The following SLC1A1 variants were observed in gnomAD, a reference collection of about 807,000 sequenced individuals.
The protein encoded by SLC1A1 is solute carrier family 1 member 1.
A neutral mutation model predicts 53.3 loss-of-function variants in SLC1A1; 43 were observed. The ratio of observed to expected loss-of-function variants is 0.81; its 90% CI spans 0.63 to 1.04. The LOEUF (loss-of-function observed/expected upper bound fraction) is 1.04. SLC1A1 is among the 50% of genes least tolerant of loss of function. The pLI, the probability that SLC1A1 is intolerant of heterozygous loss-of-function variation, is 0.00. For missense variants in SLC1A1, 748 were observed against 664.9 expected, an observed-to-expected ratio of 1.12 and a Z score of -1.37; for synonymous variants, 307 against 243.2, an observed-to-expected ratio of 1.26 and a Z score of -2.44.
Position 4,544,605 on chromosome 9 carries a change from C to T in SLC1A1, c.130C>T (p.Leu44Phe). The change falls in exon 2 of 12, where the codon CTC becomes TTC. Residue 44 changes from leucine (L) to phenylalanine (F), a missense_variant. Leu to Phe is a conservative substitution (Grantham distance 22). Coordinates refer to ENST00000262352, the MANE Select transcript of SLC1A1 (RefSeq NM_004170.6). Reference protein sequence around the residue: ...TGVLVREHSNLSTLEKFYFAF... With the variant: ...TGVLVREHSNFSTLEKFYFAF... ...AGTCTTGGTTCGAGAACACAGCAACCTCTCAACTCTAGAGAAATTCTACTT... is the reference window on the plus strand; with the variant it reads ...AGTCTTGGTTCGAGAACACAGCAACTTCTCAACTCTAGAGAAATTCTACTT... 1 of 1,613,602 alleles carries T rather than the reference C, an allele frequency of 6.2e-7. No individual in the cohort carries two copies. The highest frequency in any genetic ancestry group is 8.5e-7 in the Non-Finnish European group (1 of 1,179,580).
chr9:4,566,726 C>A (rs1486321332), intron 5 of SLC1A1, among the ~76,000 whole-genome samples: 2 of 152,048 alleles, frequency 1.3e-5, no homozygotes, highest in Admixed American at 6.6e-5. Flanking sequence ...TCGTTGTATC[C>A]CCATTGCTGG....
chr9:4,575,892 A>ATT, intron 8 of SLC1A1, 109 bp from the exon 9 acceptor site: 1 of 1,298,098 alleles, frequency 7.7e-7, no homozygotes, highest in Non-Finnish European at 1.1e-6. Context: ...TTATTGGGCC[A>ATT]TTATGAAAGT....
chr9:4,535,343 G>A (rs369582412), intron 1 of SLC1A1, among the ~76,000 whole-genome samples: 5 of 152,042 alleles, frequency 3.3e-5, no homozygotes, highest in East Asian at 1.9e-4. Context: ...TAGGCTGATA[G>A]GCAACTTCAG....
Position 4,585,509 on chromosome 9 carries a change from C to A in SLC1A1, c.1526C>A (p.Ala509Glu). The A allele has an allele frequency of 6.2e-7, 1 of 1,614,192 alleles. No homozygotes were observed. Among genetic ancestry groups the A allele is most frequent in the Non-Finnish European group, 8.5e-7 (1 of 1,180,026 alleles). The stretch of plus-strand genomic sequence containing the variant: ...AAGTCTTATGTCAATGGAGGCTTTG[C>A]AGTAGACAAGTCTGACACCATCTCA... ...TKKSYVNGGFAVDKSDTISFT... is the reference protein window; with the variant it reads ...TKKSYVNGGFEVDKSDTISFT... The change falls in exon 12 of 12, where the codon GCA becomes GAA. Residue 509 changes from alanine to glutamate, a missense_variant. Physicochemically the swap from Ala to Glu is moderately radical, Grantham distance 107 (BLOSUM62 -1). Transcript: ENST00000262352.
At chr9:4,506,235 G>A (rs1309461338) in intron 1 of SLC1A1, among the ~76,000 whole-genome samples, 1 of 152,194 alleles carries the variant, frequency 6.6e-6, no homozygotes, top group Non-Finnish European at 1.5e-5. Context: ...GGGATTACAG[G>A]CATGAGCCAT....
At chr9:4,575,850 T>A in intron 8 of SLC1A1, 151 bp from the exon 9 acceptor site, 2 of 790,528 alleles carry the variant, frequency 2.5e-6, no homozygotes, top group Non-Finnish European at 4.2e-6. Flanking sequence ...ATACATGGAA[T>A]GGGACGTATA....
intron 2 of SLC1A1, among the ~76,000 whole-genome samples, chr9:4,557,755 G>A (rs912592762): frequency 2.0e-5 from 3 of 152,178 alleles, no homozygotes; most frequent in African/African-American, 4.8e-5. Flanking sequence ...AAAACAGAAC[G>A]TTTCTATCAT....
chr9:4,490,513 C>G lies in SLC1A1; in HGVS notation c.-167C>G, dbSNP rs12000219. On this transcript the variant is annotated 5_prime_UTR_variant, in exon 1 of 12. Coordinates refer to ENST00000262352, the MANE Select transcript of SLC1A1 (RefSeq NM_004170.6). ...GGGCGGCGGGCGCGGTGCGCGATCCCGGGTGGCGGCGGCAACGGCGGTGGT... is the reference window on the plus strand; with the variant it reads ...GGGCGGCGGGCGCGGTGCGCGATCCGGGGTGGCGGCGGCAACGGCGGTGGT... 692 of 418,688 alleles carry G rather than the reference C, an allele frequency of 1.7e-3. 1 individual carries two copies. The highest frequency in any genetic ancestry group is 0.013 in the African/African-American group (640 of 47,462). 25.9% of individuals were successfully genotyped at this position (418,688 alleles called of 1,614,324 possible).
chr9:4,585,207 CA>C, intron 11 of SLC1A1, 104 bp from the exon 12 acceptor site: 1 of 1,473,052 alleles, frequency 6.8e-7, no homozygotes, highest in Admixed American at 1.7e-5. Context: ...GCACTTTCTG[CA>C]CTTACTGAAA....
chr9:4,524,024 T>C (rs1362163201), intron 1 of SLC1A1, among the ~76,000 whole-genome samples: 1 of 152,236 alleles, frequency 6.6e-6, no homozygotes, highest in Non-Finnish European at 1.5e-5. Flanking sequence ...ATTGTGTATA[T>C]TAAAGGCCCT....
intron 1 of SLC1A1, among the ~76,000 whole-genome samples, chr9:4,496,680 A>G (rs1168339030): frequency 1.3e-5 from 2 of 151,142 alleles, no homozygotes; most frequent in Admixed American, 6.6e-5. Context: ...GGACTGCTTG[A>G]GGCTAGGAGT....
chr9:4,524,807 G>A (rs541747621), intron 1 of SLC1A1, among the ~76,000 whole-genome samples: 1 of 152,268 alleles, frequency 6.6e-6, no homozygotes, highest in African/African-American at 2.4e-5. Flanking sequence ...GGGGTATCCT[G>A]GCTTTATAAC....
At chr9:4,552,108 T>C (rs537205652) in intron 2 of SLC1A1, among the ~76,000 whole-genome samples, 1 of 152,346 alleles carries the variant, frequency 6.6e-6, no homozygotes, top group East Asian at 1.9e-4. Context: ...AGCTGTAAGA[T>C]AACCTGATTT....
At chr9:4,515,560 G>T (rs1821133677) in intron 1 of SLC1A1, among the ~76,000 whole-genome samples, 1 of 152,150 alleles carries the variant, frequency 6.6e-6, no homozygotes, top group African/African-American at 2.4e-5. Flanking sequence ...ATCCCTGTGG[G>T]AGAGTGTGCT....
intron 10 of SLC1A1, among the ~76,000 whole-genome samples, chr9:4,582,691 G>A (rs866146443): frequency 3.3e-5 from 5 of 152,200 alleles, no homozygotes; most frequent in Non-Finnish European, 5.9e-5. Context: ...ATGAGTACAC[G>A]AAGCCTCCTA....
At chr9:4,496,437 C>G (rs575634414) in intron 1 of SLC1A1, among the ~76,000 whole-genome samples, 1 of 151,976 alleles carries the variant, frequency 6.6e-6, no homozygotes, top group East Asian at 2.0e-4. Context: ...CCAGGCTGGT[C>G]TTGAATGCCT....
At chr9:4,548,120 TG>T (rs1345469123) in intron 2 of SLC1A1, among the ~76,000 whole-genome samples, 1 of 152,178 alleles carries the variant, frequency 6.6e-6, no homozygotes, top group Non-Finnish European at 1.5e-5. Context: ...GGATGGAGTC[TG>T]GCCTGAGATC....
At chr9:4,570,113 C>T (rs1819883125) in intron 6 of SLC1A1, among the ~76,000 whole-genome samples, 1 of 152,158 alleles carries the variant, frequency 6.6e-6, no homozygotes, top group Admixed American at 6.5e-5. Flanking sequence ...CTGCTGATTC[C>T]TCAGCCCTAG....
intron 1 of SLC1A1, among the ~76,000 whole-genome samples, chr9:4,541,209 T>C (rs1234448158): frequency 6.6e-6 from 1 of 152,184 alleles, no homozygotes; most frequent in Non-Finnish European, 1.5e-5. Context: ...ATCAAAAGGA[T>C]CAGAATCCAG....
Sources: allele counts gnomAD v4.1 joint callset (sites outside exome capture counted in the v4.1 genomes callset), GRCh38; gene constraint gnomAD v4.1.1; transcripts MANE v1.5; gene names NCBI Gene and HGNC (gene_info 2026-07-23, HGNC 2026-07-21).